The following L3MBTL4 variants were observed in gnomAD, a reference collection of about 807,000 sequenced individuals.
L3MBTL4 encodes the protein L3MBTL histone methyl-lysine binding protein 4, also known as lethal(3)malignant brain tumor-like protein 4.
Under a neutral mutation model 84.5 loss-of-function variants are expected in L3MBTL4, and 70 were observed. The observed-to-expected ratio is 0.83, with a 90% confidence interval of 0.68 to 1.01. The LOEUF (loss-of-function observed/expected upper bound fraction) is 1.01, where lower values mean the gene tolerates loss of function less well. Ranked by LOEUF, L3MBTL4 falls within the 50% of genes least tolerant of loss-of-function variation. L3MBTL4 has a pLI of 0.00. For synonymous variants in L3MBTL4, 274 were observed against 259.8 expected, an observed-to-expected ratio of 1.05 and a Z score of -0.52; for missense variants, 715 against 754.8, an observed-to-expected ratio of 0.95 and a Z score of 0.62.
chr18:6,071,881 A>T (rs1221279149), intron 16 of L3MBTL4, among the ~76,000 whole-genome samples: 1 of 152,168 alleles, frequency 6.6e-6, no homozygotes, highest in African/African-American at 2.4e-5. Flanking sequence ...AAAGGAAGGA[A>T]GGAAGAAAGA....
chr18:6,160,194 A>G (rs2043266551), intron 13 of L3MBTL4, among the ~76,000 whole-genome samples: 1 of 152,176 alleles, frequency 6.6e-6, no homozygotes, highest in Admixed American at 6.5e-5. Context: ...GCAAGGGTGA[A>G]AATACAAAGA....
Position 6,103,066 on chromosome 18 carries a change from C to G in L3MBTL4, c.1200-9538G>C, listed in dbSNP as rs530989939. ...CGTGCTATGTAGCAACACTAATGGC[C>G]TTTACAAAATTTATGCTGAAACCAG... On this transcript the variant is annotated intron_variant, in intron 14 of 18. Transcript: ENST00000317931. Among the ~76,000 whole-genome samples, 6 of 152,302 alleles carry G rather than the reference C, an allele frequency of 3.9e-5. No homozygotes were observed. The East Asian group carries it at 1.2e-3, about 29-fold the overall frequency.
intron 4 of L3MBTL4, among the ~76,000 whole-genome samples, chr18:6,268,111 T>C (rs2048713779): frequency 6.6e-6 from 1 of 152,182 alleles, no homozygotes; most frequent in Non-Finnish European, 1.5e-5. Flanking sequence ...TTGCCATAAA[T>C]ATTTGTTTAA....
At chr18:6,270,715 G>T (rs11876201) in intron 4 of L3MBTL4, among the ~76,000 whole-genome samples, 1 of 152,148 alleles carries the variant, frequency 6.6e-6, no homozygotes, top group Admixed American at 6.5e-5. Flanking sequence ...TCTGGGAAGG[G>T]TTCAGCACAA....
chr18:6,169,990 G>T (rs774646466), intron 13 of L3MBTL4, among the ~76,000 whole-genome samples: 9 of 152,070 alleles, frequency 5.9e-5, no homozygotes, highest in Non-Finnish European at 1.2e-4. Flanking sequence ...CCTGAGAGAA[G>T]ATTTAATTGA....
At chr18:6,387,856 A>G (rs895782624) in intron 1 of L3MBTL4, among the ~76,000 whole-genome samples, 1 of 152,212 alleles carries the variant, frequency 6.6e-6, no homozygotes, top group African/African-American at 2.4e-5. Context: ...TCTGAAAAAG[A>G]GAGGAGCAGA....
At chr18:5,980,638 G>A (rs1007392187) in intron 16 of L3MBTL4, among the ~76,000 whole-genome samples, 2 of 151,804 alleles carry the variant, frequency 1.3e-5, no homozygotes, top group African/African-American at 2.4e-5. Flanking sequence ...TGTCATGTTG[G>A]CCAGGCTGGT....
intron 13 of L3MBTL4, among the ~76,000 whole-genome samples, chr18:6,152,211 A>C (rs1246584791): frequency 6.6e-6 from 1 of 152,172 alleles, no homozygotes; most frequent in African/African-American, 2.4e-5. Flanking sequence ...GGTATCTCTT[A>C]GAGATACTTA....
At chr18:6,046,663 T>C (rs1331747639) in intron 16 of L3MBTL4, 1 of 729,086 alleles carries the variant, frequency 1.4e-6, no homozygotes, top group East Asian at 2.5e-5. Context: ...TTTAGGTAAA[T>C]AACAAAACTA....
At chr18:6,248,524 CT>C (rs2047783817) in intron 5 of L3MBTL4, among the ~76,000 whole-genome samples, 2 of 152,192 alleles carry the variant, frequency 1.3e-5, no homozygotes, top group African/African-American at 4.8e-5. Flanking sequence ...AAAAATGTAT[CT>C]CTTCCTCCCA....
At chr18:6,099,881 A>G (rs925179994) in intron 14 of L3MBTL4, among the ~76,000 whole-genome samples, 3 of 151,956 alleles carry the variant, frequency 2.0e-5, no homozygotes, top group Admixed American at 6.6e-5. Context: ...CTATGACTCA[A>G]TGAGTTCAAA....
intron 16 of L3MBTL4, among the ~76,000 whole-genome samples, chr18:6,003,062 CTCTATTTATAGAGATACTATATAAAATAT>C (rs1567970883): frequency 9.0e-6 from 1 of 111,286 alleles, no homozygotes; most frequent in Non-Finnish European, 1.8e-5. Flanking sequence ...AATATAGTAT[CTCTATTTATAGAGATACTATATAAAATAT>C]AGTATCTCTA....
At chr18:6,279,587 A>G (rs1449500159) in intron 4 of L3MBTL4, among the ~76,000 whole-genome samples, 1 of 152,192 alleles carries the variant, frequency 6.6e-6, no homozygotes, top group Non-Finnish European at 1.5e-5. Context: ...TAAAGAGCAC[A>G]TCTGTGTGCA....
intron 16 of L3MBTL4, among the ~76,000 whole-genome samples, chr18:5,970,754 C>G (rs1025332307): frequency 1.3e-5 from 2 of 152,216 alleles, no homozygotes; most frequent in African/African-American, 4.8e-5. Context: ...CTAACAGAAT[C>G]TGAAAAACCA....
chr18:6,138,458 T>G (rs1158002528), intron 13 of L3MBTL4, among the ~76,000 whole-genome samples, 162 bp from the exon 14 acceptor site: 1 of 152,214 alleles, frequency 6.6e-6, no homozygotes, highest in Non-Finnish European at 1.5e-5. Flanking sequence ...TATTAAATTA[T>G]TTAGCAGAAA....
At chr18:6,332,793 T>C (rs2052108779) in intron 1 of L3MBTL4, among the ~76,000 whole-genome samples, 2 of 152,202 alleles carry the variant, frequency 1.3e-5, no homozygotes, top group Non-Finnish European at 2.9e-5. Context: ...AGCTAATAAC[T>C]TCCCTTTTCT....
intron 13 of L3MBTL4, among the ~76,000 whole-genome samples, chr18:6,154,377 T>G (rs1201723055): frequency 2.0e-5 from 3 of 152,000 alleles, no homozygotes; most frequent in Non-Finnish European, 4.4e-5. Context: ...TAGAATGGAG[T>G]TCTACCATAT....
chr18:6,304,488 G>A (rs918500470), intron 3 of L3MBTL4, among the ~76,000 whole-genome samples: 1 of 152,234 alleles, frequency 6.6e-6, no homozygotes, highest in African/African-American at 2.4e-5. Context: ...CTAAAATGCA[G>A]ACCTTGATTC....
At chr18:6,366,698 T>C (rs1049404326) in intron 1 of L3MBTL4, among the ~76,000 whole-genome samples, 3 of 152,196 alleles carry the variant, frequency 2.0e-5, no homozygotes, top group Non-Finnish European at 4.4e-5. Flanking sequence ...CCAGCCAGAA[T>C]CTAGTTGAAT....
Sources: allele counts gnomAD v4.1 joint callset (sites outside exome capture counted in the v4.1 genomes callset), GRCh38; gene constraint gnomAD v4.1.1; transcripts MANE v1.5; gene names NCBI Gene and HGNC (gene_info 2026-07-23, HGNC 2026-07-21).